The following RHPN2 variants were observed in gnomAD, a reference collection of about 807,000 sequenced individuals.
The protein encoded by RHPN2 is rhophilin Rho GTPase binding protein 2.
In RHPN2, 40 loss-of-function variants were observed where a neutral mutation model predicts 79.0. The ratio of observed to expected loss-of-function variants is 0.51; its 90% CI spans 0.39 to 0.66. The LOEUF (loss-of-function observed/expected upper bound fraction) is 0.66, where lower values mean the gene tolerates loss of function less well. Ranked by LOEUF, RHPN2 falls within the 30% of genes least tolerant of loss-of-function variation. The probability of loss-of-function intolerance (pLI) is 0.00; values close to 1 mark genes in which losing one functional copy is unlikely to be tolerated. For missense variants in RHPN2, 686 were observed against 883.5 expected (o/e 0.78, Z 2.83); for synonymous variants, 285 against 363.5 (o/e 0.78, Z 2.46).
At chr19:33,064,674 C>G (rs1254531223) in intron 1 of RHPN2, 110 bp downstream of exon 1, 6 of 1,179,240 alleles carry the variant, frequency 5.1e-6, no homozygotes, top group African/African-American at 4.8e-5. Flanking sequence ...GCCCCCTCCC[C>G]CTCCCGGCCT....
At chr19:32,996,974 C>T (rs899137981) in intron 10 of RHPN2, among the ~76,000 whole-genome samples, 4 of 152,146 alleles carry the variant, frequency 2.6e-5, no homozygotes, top group Admixed American at 6.6e-5. Context: ...TGGCTTACCG[C>T]AGCCTCAAAC....
Position 33,044,182 on chromosome 19 carries a change from T to TGG in RHPN2, c.185+65_185+66dup. 3 of 1,237,144 alleles carry TGG rather than the reference T, an allele frequency of 2.4e-6. No individual in the cohort carries two copies. In the South Asian group the frequency reaches 3.6e-5, roughly 15 times the overall value. The allele number at this position is 1,237,144 out of a possible 1,614,324, so 76.6% of individuals were successfully genotyped here. ...AAACCCAAAGCTGAAACCAAGAGCC[T>TGG]GGCCTGGGAGTTTAGGGAACAGATG... On this transcript the variant is annotated intron_variant, in intron 2 of 14. Coordinates refer to ENST00000254260, the MANE Select transcript of RHPN2 (RefSeq NM_033103.5).
intron 7 of RHPN2, among the ~76,000 whole-genome samples, chr19:33,007,427 C>G (rs1194727668): frequency 6.6e-6 from 1 of 151,624 alleles, no homozygotes; most frequent in Admixed American, 6.6e-5. Flanking sequence ...GTGGAGGTTG[C>G]AGTGAGCCGA....
chr19:33,001,226 A>T (rs1374679386), intron 9 of RHPN2, among the ~76,000 whole-genome samples: 1 of 152,142 alleles, frequency 6.6e-6, no homozygotes, highest in Non-Finnish European at 1.5e-5. Context: ...GGCTGCCTGG[A>T]TTAGTACTCA....
At chr19:33,014,537 C>G (rs918571150) in intron 4 of RHPN2, among the ~76,000 whole-genome samples, 1 of 152,082 alleles carries the variant, frequency 6.6e-6, no homozygotes, top group East Asian at 2.0e-4. Context: ...GACTCCTGGC[C>G]TCAGGTGATC....
intron 10 of RHPN2, among the ~76,000 whole-genome samples, chr19:32,998,774 A>G (rs912413647): frequency 7.0e-6 from 1 of 141,940 alleles, no homozygotes; most frequent in African/African-American, 2.6e-5. Context: ...GGAAAGCAAC[A>G]AGGAACAAGG....
chr19:33,044,395 G>A (rs753121291), intron 1 of RHPN2, 31 bp from the exon 2 acceptor site: 3 of 1,421,976 alleles, frequency 2.1e-6, no homozygotes, highest in Non-Finnish European at 1.0e-6. Flanking sequence ...CCCCTTCAGA[G>A]GTCGGCCACT....
chr19:33,050,000 CAT>C (rs1296503939), intron 1 of RHPN2, among the ~76,000 whole-genome samples: 1 of 152,176 alleles, frequency 6.6e-6, no homozygotes, highest in African/African-American at 2.4e-5. Context: ...TCTCCCGCCT[CAT>C]AGCCCATGAT....
chr19:33,020,712 G>A (rs1971917224), intron 4 of RHPN2, among the ~76,000 whole-genome samples: 1 of 152,066 alleles, frequency 6.6e-6, no homozygotes, highest in African/African-American at 2.4e-5. Context: ...TTTTAGCCAG[G>A]CTGGTCTTCA....
chr19:33,024,999 C>T (rs77701268), intron 3 of RHPN2, among the ~76,000 whole-genome samples: 8 of 152,104 alleles, frequency 5.3e-5, no homozygotes, highest in African/African-American at 1.9e-4. Flanking sequence ...CGATCCCCCA[C>T]CTCAGCCTCC....
At chr19:33,063,388 C>A (rs1378458747) in intron 1 of RHPN2, among the ~76,000 whole-genome samples, 1 of 152,044 alleles carries the variant, frequency 6.6e-6, no homozygotes, top group African/African-American at 2.4e-5. Flanking sequence ...CTCTGTGTCA[C>A]CTGGGAGAAG....
chr19:32,982,564 C>T (rs1971583178), intron 14 of RHPN2, among the ~76,000 whole-genome samples: 1 of 152,090 alleles, frequency 6.6e-6, no homozygotes, highest in African/African-American at 2.4e-5. Flanking sequence ...TTTTACGGAG[C>T]ACACACAATG....
chr19:33,042,261 A>T (rs1000406648), intron 2 of RHPN2, among the ~76,000 whole-genome samples: 19 of 151,568 alleles, frequency 1.3e-4, no homozygotes, highest in African/African-American at 4.6e-4. Context: ...TAGGAAAGCC[A>T]TACACCATCA....
intron 1 of RHPN2, among the ~76,000 whole-genome samples, chr19:33,053,248 C>A (rs1353244219): frequency 1.3e-5 from 2 of 151,874 alleles, no homozygotes; most frequent in Admixed American, 1.3e-4. Flanking sequence ...CTCAGCCTCC[C>A]AAAGTGTTAG....
intron 4 of RHPN2, among the ~76,000 whole-genome samples, chr19:33,013,658 G>A (rs10409322): frequency 6.6e-6 from 1 of 151,844 alleles, no homozygotes; most frequent in East Asian, 2.0e-4. Flanking sequence ...TTCGAGACCA[G>A]TCTATGGCCT....
rs151179227 is a variant in RHPN2, at chr19:33,002,872, G to A, written c.889C>T (p.Leu297Phe). The change falls in exon 8 of 15, where the codon CTT becomes TTT. Residue 297 changes from leucine (L) to phenylalanine (F), a missense_variant. By Grantham distance (22) the Leu-to-Phe change is conservative. Transcript: ENST00000254260. Reference protein sequence around the residue: ...AQESVFEKISLPGIRNEFFML... With the variant: ...AQESVFEKISFPGIRNEFFML... ...AAGAATTCATTCCGGATCCCAGGAAGGCTGATTTTCTCAAACACGCTTTCT... is the reference window on the plus strand; with the variant it reads ...AAGAATTCATTCCGGATCCCAGGAAAGCTGATTTTCTCAAACACGCTTTCT... 7.5e-5 allele frequency: 121 copies of A among 1,613,814 alleles called. No homozygotes were observed. In the African/African-American group the frequency reaches 9.2e-4, roughly 12 times the overall value.
intron 1 of RHPN2, among the ~76,000 whole-genome samples, chr19:33,057,332 C>T (rs1972242263): frequency 6.6e-6 from 1 of 150,984 alleles, no homozygotes. Flanking sequence ...GACACAGCAA[C>T]ACCCTGTCAA....
At chr19:32,987,749 T>C (rs1372055655) in intron 14 of RHPN2, among the ~76,000 whole-genome samples, 1 of 152,228 alleles carries the variant, frequency 6.6e-6, no homozygotes, top group Admixed American at 6.5e-5. Flanking sequence ...CTCTGATTTC[T>C]TCCTCGAACT....
intron 12 of RHPN2, 50 bp downstream of exon 12, chr19:32,993,927 T>C: frequency 2.9e-6 from 4 of 1,384,114 alleles, no homozygotes; most frequent in Non-Finnish European, 4.1e-6. Context: ...CTCGCCAAAG[T>C]GAAGAGCTGT....
Sources: gnomAD v4.1 joint callset for allele counts (sites outside exome capture counted in the v4.1 genomes callset) on GRCh38, gnomAD v4.1.1 for gene constraint, MANE v1.5 for transcripts, NCBI Gene and HGNC (gene_info 2026-07-23, HGNC 2026-07-21) for gene names.